The following MSR1 variants were observed in gnomAD, a reference collection of about 807,000 sequenced individuals.
The protein encoded by MSR1 is macrophage scavenger receptor types I and II.
MSR1 carries 53 observed loss-of-function variants against 47.2 expected under a neutral mutation model. The ratio of observed to expected loss-of-function variants is 1.12; its 90% CI spans 0.90 to 1.41. MSR1 has a LOEUF of 1.41. MSR1 is among the 40% of genes most tolerant of loss of function. The pLI, the probability that MSR1 is intolerant of heterozygous loss-of-function variation, is 0.00. For missense variants in MSR1, 786 were observed against 546.9 expected (o/e 1.44, Z -4.36); for synonymous variants, 239 against 185.6 (o/e 1.29, Z -2.34).
At chr8:16,164,503 A>G (rs961744588) in intron 4 of MSR1, among the ~76,000 whole-genome samples, 2 of 151,966 alleles carry the variant, frequency 1.3e-5, no homozygotes, top group Non-Finnish European at 2.9e-5. Context: ...TATCTATGAT[A>G]TGTTTCTATT....
At chr8:16,183,266 A>G (rs1347768375) in intron 1 of MSR1, among the ~76,000 whole-genome samples, 1 of 152,068 alleles carries the variant, frequency 6.6e-6, no homozygotes, top group Non-Finnish European at 1.5e-5. Flanking sequence ...AGATTATTCT[A>G]TCTACCAGGT....
At chr8:16,110,889 G>A (rs1799742013) in intron 9 of MSR1, among the ~76,000 whole-genome samples, 3 of 152,140 alleles carry the variant, frequency 2.0e-5, no homozygotes, top group Non-Finnish European at 4.4e-5. Flanking sequence ...CTGATCAATT[G>A]TAAGAGTGTT....
At chr8:16,178,374 G>A (rs551607877) in intron 1 of MSR1, among the ~76,000 whole-genome samples, 8 of 151,662 alleles carry the variant, frequency 5.3e-5, no homozygotes, top group African/African-American at 1.5e-4. Flanking sequence ...TTGTCCTTGC[G>A]ATAGTTTGCT....
rs55913131 is a variant in MSR1, at chr8:16,150,140, G to GTATATATATATA, written c.979+79_979+90dup. 246 of 178,302 alleles carry GTATATATATATA rather than the reference G, an allele frequency of 1.4e-3. 1 individual carries two copies. Among genetic ancestry groups the GTATATATATATA allele is most frequent in the African/African-American group, 7.0e-3 (227 of 32,384 alleles). The allele number at this position is 178,302 out of a possible 1,614,324, so 11.0% of individuals were successfully genotyped here. ...TATGTGTGTGTGTATGTGTGTGTGT[G>GTATATATATATA]TATATATATATATATATATATATAT... On this transcript the variant is annotated intron_variant, in intron 7 of 9. Transcript: ENST00000262101.
intron 8 of MSR1, among the ~76,000 whole-genome samples, chr8:16,142,614 G>A (rs1800590106): frequency 6.6e-6 from 1 of 152,076 alleles, no homozygotes; most frequent in African/African-American, 2.4e-5. Context: ...ACAATATTAG[G>A]TTAAAATAAT....
chr8:16,118,215 G>A (rs1446192825), intron 9 of MSR1, among the ~76,000 whole-genome samples: 1 of 152,050 alleles, frequency 6.6e-6, no homozygotes, highest in Admixed American at 6.5e-5. Context: ...CACATCTTGA[G>A]AATCCAAAAC....
chr8:16,123,011 A>C (rs1311071128), intron 8 of MSR1, among the ~76,000 whole-genome samples: 1 of 151,418 alleles, frequency 6.6e-6, no homozygotes, highest in Non-Finnish European at 1.5e-5. Flanking sequence ...CGCCCAGCTA[A>C]TTTTTTGTAT....
At chr8:16,159,513 G>A (rs1326094469) in intron 5 of MSR1, among the ~76,000 whole-genome samples, 1 of 151,754 alleles carries the variant, frequency 6.6e-6, no homozygotes, top group Non-Finnish European at 1.5e-5. Flanking sequence ...TAATATAAGG[G>A]AAAAGAGAAC....
At chr8:16,176,184 G>T (rs921932564) in intron 2 of MSR1, among the ~76,000 whole-genome samples, 2 of 152,114 alleles carry the variant, frequency 1.3e-5, no homozygotes, top group African/African-American at 4.8e-5. Context: ...GTATTGAAAA[G>T]AAAATAAGAG....
At chr8:16,182,458 AT>A in intron 1 of MSR1, among the ~76,000 whole-genome samples, 1 of 152,040 alleles carries the variant, frequency 6.6e-6, no homozygotes, top group East Asian at 1.9e-4. Context: ...TTTAAACAAC[AT>A]TTTTACTCTT....
Position 16,146,965 on chromosome 8 carries a change from C to T in MSR1, c.979+3266G>A, listed in dbSNP as rs1205168967. 7.9e-5 allele frequency among the ~76,000 whole-genome samples: 12 copies of T among 152,226 alleles called. No individual in the cohort carries two copies. The East Asian group carries it at 2.1e-3, about 27-fold the overall frequency. ...ACGTGTTGAATTAATAAATGAACTA[C>T]ATATGGTGTAATATTTTAGATAATC... On this transcript the variant is annotated intron_variant, in intron 7 of 9. Coordinates refer to ENST00000262101, the MANE Select transcript of MSR1 (RefSeq NM_138715.3).
At chr8:16,112,950 T>TTC (rs1799793053) in intron 9 of MSR1, among the ~76,000 whole-genome samples, 1 of 143,882 alleles carries the variant, frequency 7.0e-6, no homozygotes, top group South Asian at 2.3e-4. Context: ...TAAGTTTTTT[T>TTC]TTTTTTTTTT....
At chr8:16,180,307 G>T (rs1801791348) in intron 1 of MSR1, among the ~76,000 whole-genome samples, 1 of 152,144 alleles carries the variant, frequency 6.6e-6, no homozygotes, top group African/African-American at 2.4e-5. Context: ...AAATGTTCCT[G>T]TGTCTCTTTA....
At chr8:16,173,137 G>C (rs926154087) in intron 3 of MSR1, among the ~76,000 whole-genome samples, 17 of 152,222 alleles carry the variant, frequency 1.1e-4, no homozygotes, top group African/African-American at 4.1e-4. Flanking sequence ...GTCAATTTTA[G>C]TCGGTACCTA....
chr8:16,185,333 A>G (rs1585200267), intron 1 of MSR1, among the ~76,000 whole-genome samples: 1 of 152,138 alleles, frequency 6.6e-6, no homozygotes, highest in Non-Finnish European at 1.5e-5. Flanking sequence ...CCAGATCTCA[A>G]TCTCAGCATC....
intron 5 of MSR1, among the ~76,000 whole-genome samples, chr8:16,161,184 G>C (rs1022575724): frequency 6.6e-6 from 1 of 151,790 alleles, no homozygotes; most frequent in Non-Finnish European, 1.5e-5. Context: ...TTGAGATATT[G>C]TATGAAATAA....
At chr8:16,177,326 A>G (rs1196407867) in intron 2 of MSR1, among the ~76,000 whole-genome samples, 1 of 152,100 alleles carries the variant, frequency 6.6e-6, no homozygotes. Context: ...ACAAATAGCT[A>G]CAGAGAGAAG....
chr8:16,155,144 C>G lies in MSR1; in HGVS notation c.818G>C (p.Gly273Ala). 6.2e-7 allele frequency: 1 copy of G among 1,610,130 alleles called. No homozygotes were observed. Among genetic ancestry groups the G allele is most frequent in the African/African-American group, 1.3e-5 (1 of 74,856 alleles). ...QTLRNITLIQ[G>A]PPGPPGEKGD... ...TTTTTCACCCGGGGGTCCAGGAGGACCTTTAAAAAAATTACAGTTACTGAT... is the reference window on the plus strand; with the variant it reads ...TTTTTCACCCGGGGGTCCAGGAGGAGCTTTAAAAAAATTACAGTTACTGAT... Residue 273 changes from glycine (G) to alanine (A), a missense_variant and splice_region_variant, in exon 6 of 10, where the codon GGT (glycine) becomes GCT (alanine). Transcript: ENST00000262101.
At chr8:16,173,901 G>A (rs892135777) in intron 3 of MSR1, among the ~76,000 whole-genome samples, 4 of 152,100 alleles carry the variant, frequency 2.6e-5, no homozygotes, top group Non-Finnish European at 5.9e-5. Flanking sequence ...TGCCCGCCTC[G>A]GCCTCCCAAA....
Sources: allele counts gnomAD v4.1 joint callset (sites outside exome capture counted in the v4.1 genomes callset), GRCh38; gene constraint gnomAD v4.1.1; transcripts MANE v1.5; gene names NCBI Gene and HGNC (gene_info 2026-07-23, HGNC 2026-07-21).